The following IRAK1BP1 variants were observed in gnomAD, a reference collection of about 807,000 sequenced individuals.
IRAK1BP1 encodes the protein interleukin 1 receptor associated kinase 1 binding protein 1.
In IRAK1BP1, 24 loss-of-function variants were observed where a neutral mutation model predicts 28.0. That is an observed-to-expected ratio of 0.86 (90% CI 0.62 to 1.20). The LOEUF (loss-of-function observed/expected upper bound fraction) is 1.20, where lower values mean the gene tolerates loss of function less well. IRAK1BP1 is among the 50% of genes most tolerant of loss of function. IRAK1BP1 has a pLI of 0.00. For missense variants in IRAK1BP1, 336 were observed against 316.7 expected (o/e 1.06, Z -0.46); for synonymous variants, 131 against 116.3 (o/e 1.13, Z -0.81).
chr6:78,922,431 C>A (rs190057198), intron 4 of IRAK1BP1, among the ~76,000 whole-genome samples: 4 of 152,248 alleles, frequency 2.6e-5, no homozygotes, highest in Admixed American at 2.6e-4. Flanking sequence ...TGTGAAAAGA[C>A]CAAATCTACA....
the IRAK1BP1 span, among the ~76,000 whole-genome samples, chr6:78,975,326 T>C: frequency 1.3e-5 from 2 of 152,080 alleles, no homozygotes; most frequent in Non-Finnish European, 2.9e-5. Context: ...ATCAACAACC[T>C]TTCATGCTAA....
At chr6:78,955,081 TCAC>T in the IRAK1BP1 span, 1 of 892,778 alleles carries the variant, frequency 1.1e-6, no homozygotes, top group Non-Finnish European at 1.7e-6. Flanking sequence ...AAGAAAATAT[TCAC>T]CAAGTTCTAA....
chr6:78,956,209 T>C, the IRAK1BP1 span: 1 of 152,170 alleles, frequency 6.6e-6, no homozygotes, highest in South Asian at 2.1e-4. Context: ...TGTTCCTTTT[T>C]CTATTTTTCT....
downstream of IRAK1BP1, among the ~76,000 whole-genome samples, chr6:78,948,571 T>G (rs1423479126): frequency 6.6e-6 from 1 of 152,162 alleles, no homozygotes; most frequent in Non-Finnish European, 1.5e-5. Flanking sequence ...CAAAGCTCAC[T>G]GCATCCTTGG....
intron 4 of IRAK1BP1, among the ~76,000 whole-genome samples, chr6:78,912,540 A>G (rs1341493438): frequency 6.6e-6 from 1 of 152,076 alleles, no homozygotes; most frequent in Non-Finnish European, 1.5e-5. Context: ...ACACACATAC[A>G]CACCACCACC....
intron 2 of IRAK1BP1, among the ~76,000 whole-genome samples, chr6:78,890,703 A>G (rs2127649705): frequency 6.6e-6 from 1 of 152,232 alleles, no homozygotes; most frequent in East Asian, 1.9e-4. Context: ...CAACACTGGA[A>G]GCTAGAAACT....
downstream of IRAK1BP1, among the ~76,000 whole-genome samples, chr6:78,904,690 T>A (rs79393652): frequency 1.0e-3 from 154 of 152,254 alleles, 3 homozygotes; most frequent in East Asian, 0.028. Flanking sequence ...TTCAGATAAA[T>A]CAACTCCAGC....
the IRAK1BP1 span, among the ~76,000 whole-genome samples, chr6:78,977,569 A>G: frequency 2.9e-5 from 4 of 140,024 alleles, no homozygotes; most frequent in Admixed American, 2.2e-4. Context: ...AAATGATGGA[A>G]TAGTGCTGAA....
chr6:78,964,587 G>T, the IRAK1BP1 span, among the ~76,000 whole-genome samples: 3 of 152,128 alleles, frequency 2.0e-5, no homozygotes, highest in Non-Finnish European at 4.4e-5. Context: ...CCGCCTCCCA[G>T]GTTCAAGTAA....
chr6:78,893,008 C>A, intron 2 of IRAK1BP1, among the ~76,000 whole-genome samples: 1 of 150,928 alleles, frequency 6.6e-6, no homozygotes. Context: ...AAATTATGAC[C>A]CAAAAATATC....
the IRAK1BP1 span, among the ~76,000 whole-genome samples, chr6:78,970,535 C>T: frequency 6.6e-6 from 1 of 152,112 alleles, no homozygotes; most frequent in Non-Finnish European, 1.5e-5. Flanking sequence ...GACTTATTAC[C>T]TAATTTTCAC....
chr6:78,902,802 A>G lies in IRAK1BP1; in HGVS notation c.*4468A>G, dbSNP rs993976872. 4.2e-6 allele frequency: 2 copies of G among 481,384 alleles called. No homozygotes were observed. The highest frequency in any genetic ancestry group is 4.2e-5 in the African/African-American group (2 of 47,750). The allele number at this position is 481,384 out of a possible 1,614,324, so 29.8% of individuals were successfully genotyped here. A position where few individuals can be genotyped will look rare whatever the true frequency, so the allele number is the denominator to read the frequency against. On this transcript the variant is annotated 3_prime_UTR_variant, in exon 4 of 4. Coordinates refer to ENST00000369940, the MANE Select transcript of IRAK1BP1 (RefSeq NM_001010844.4). ...TACATACATACATACATACATACAT[A>G]CATACATACATACATACATAAAATG...
At chr6:78,897,537 T>C (rs1263803663) in intron 2 of IRAK1BP1, among the ~76,000 whole-genome samples, 1 of 152,182 alleles carries the variant, frequency 6.6e-6, no homozygotes, top group Admixed American at 6.5e-5. Flanking sequence ...GATTAAAATT[T>C]AGCCAAGTAA....
intron 4 of IRAK1BP1, among the ~76,000 whole-genome samples, chr6:78,923,332 A>G (rs118029814): frequency 0.024 from 3,657 of 152,244 alleles, 76 homozygotes; most frequent in Non-Finnish European, 0.038. Flanking sequence ...AGGCCTTTAC[A>G]TAATGGTAAA....
the IRAK1BP1 span, among the ~76,000 whole-genome samples, chr6:78,973,721 T>A: frequency 2.0e-5 from 3 of 151,694 alleles, no homozygotes; most frequent in African/African-American, 7.3e-5. Flanking sequence ...AGACAGGGGT[T>A]GCAATCCTAG....
intron 4 of IRAK1BP1, among the ~76,000 whole-genome samples, chr6:78,922,678 G>C (rs540117889): frequency 2.0e-5 from 3 of 152,304 alleles, no homozygotes; most frequent in Admixed American, 1.3e-4. Context: ...AGAGAGAAAG[G>C]TCGGGTTACC....
rs192771644 is a variant in IRAK1BP1, at chr6:78,892,545, G to A, written c.382-5284G>A. 6.9e-4 allele frequency among the ~76,000 whole-genome samples: 104 copies of A among 151,756 alleles called. 1 individual carries two copies. In the South Asian group the frequency reaches 8.1e-3, roughly 12 times the overall value. On this transcript the variant is annotated intron_variant, in intron 2 of 3. Coordinates refer to ENST00000369940, the MANE Select transcript of IRAK1BP1 (RefSeq NM_001010844.4). ...TTTATATGAAATTTTATCTTAATTC[G>A]GTTTACCTGTATTTCTAGTCTATAA...
chr6:78,867,721 G>A lies in IRAK1BP1; in HGVS notation c.145G>A (p.Ala49Thr), dbSNP rs1770628839. Reference protein sequence around the residue: ...HPLSSTQAQTATREVQVSGTS... With the variant: ...HPLSSTQAQTTTREVQVSGTS... ...CCTCTCCTCAACACAAGCCCAAACTGCTACCCGCGAGGTGCAAGTAAGCGG... is the reference window on the plus strand; with the variant it reads ...CCTCTCCTCAACACAAGCCCAAACTACTACCCGCGAGGTGCAAGTAAGCGG... Residue 49 changes from alanine to threonine, a missense_variant, in exon 1 of 4, where the codon GCT (alanine) becomes ACT (threonine). By Grantham distance (58) the Ala-to-Thr change is moderately conservative. Coordinates refer to ENST00000369940, the MANE Select transcript of IRAK1BP1 (RefSeq NM_001010844.4). The A allele has an allele frequency of 1.2e-6, 2 of 1,614,140 alleles. No homozygotes were observed. The highest frequency in any genetic ancestry group is 1.7e-6 in the Non-Finnish European group (2 of 1,180,060).
intron 1 of IRAK1BP1, among the ~76,000 whole-genome samples, chr6:78,875,570 G>A (rs1025448565): frequency 3.3e-5 from 5 of 152,118 alleles, no homozygotes; most frequent in African/African-American, 7.2e-5. Flanking sequence ...ACAAAATCAT[G>A]TACTTTGCAG....
Sources: gnomAD v4.1 joint callset for allele counts (sites outside exome capture counted in the v4.1 genomes callset) on GRCh38, gnomAD v4.1.1 for gene constraint, MANE v1.5 for transcripts, NCBI Gene and HGNC (gene_info 2026-07-23, HGNC 2026-07-21) for gene names.